Variants in WDPCP observed in about 807,000 individuals in gnomAD.
The protein encoded by WDPCP is WD repeat-containing and planar cell polarity effector protein fritz homolog.
WDPCP carries 71 observed loss-of-function variants against 93.1 expected under a neutral mutation model. The observed-to-expected ratio is 0.76, with a 90% CI of 0.63 to 0.93. The LOEUF is 0.93. Among genes scored for constraint, WDPCP ranks in the 40% least tolerant of loss-of-function variants. The pLI, the probability that WDPCP is intolerant of heterozygous loss-of-function variation, is 0.00. For missense variants in WDPCP, 844 were observed against 887.4 expected (o/e 0.95, Z 0.62); for synonymous variants, 315 against 315.0 (o/e 1.00, Z 0.00).
At chr2:63,412,735 C>G (rs183055221) in intron 9 of WDPCP, among the ~76,000 whole-genome samples, 1 of 151,376 alleles carries the variant, frequency 6.6e-6, no homozygotes, top group Non-Finnish European at 1.5e-5. Flanking sequence ...CAACAGCATC[C>G]AAGCAGAGAA....
chr2:63,766,748 G>A (rs539644619), intron 2 of WDPCP, among the ~76,000 whole-genome samples: 55 of 152,124 alleles, frequency 3.6e-4, no homozygotes, highest in African/African-American at 1.2e-3. Flanking sequence ...AAAATACACA[G>A]ACATAAAATT....
chr2:63,302,304 C>T (rs1339612645), intron 13 of WDPCP, among the ~76,000 whole-genome samples: 1 of 152,122 alleles, frequency 6.6e-6, no homozygotes, highest in East Asian at 1.9e-4. Flanking sequence ...AGCAATATGT[C>T]TCCTATAGTG....
chr2:63,381,908 T>C lies in WDPCP; in HGVS notation c.1622A>G (p.Glu541Gly). Residue 541 changes from glutamate to glycine, a missense_variant and splice_region_variant, in exon 11 of 18, where the codon GAA becomes GGA. Transcript: ENST00000272321. ...LLRQKLTPEREAQLETSLGTF... is the reference protein window; with the variant it reads ...LLRQKLTPERGAQLETSLGTF... The stretch of plus-strand genomic sequence containing the variant: ...ATGAAAAATATTTCAAGTCTGACCT[T>C]CTCTCTCTGGAGTGAGCTTCTGTCT... 1.2e-6 allele frequency: 2 copies of C among 1,613,132 alleles called. No individual in the cohort carries two copies. The highest frequency in any genetic ancestry group is 1.1e-5 in the South Asian group (1 of 91,062).
chr2:63,209,205 C>T (rs1317264453), intron 14 of WDPCP, among the ~76,000 whole-genome samples: 1 of 152,228 alleles, frequency 6.6e-6, no homozygotes, highest in African/African-American at 2.4e-5. Flanking sequence ...TGTAGAATTG[C>T]ATAACACTTT....
intron 3 of WDPCP, among the ~76,000 whole-genome samples, chr2:63,626,564 C>T (rs563798712): frequency 1.3e-5 from 2 of 152,236 alleles, no homozygotes; most frequent in African/African-American, 2.4e-5. Context: ...AGCCAATAAA[C>T]ATATTTTAAA....
chr2:63,651,678 C>A (rs1199732336), intron 2 of WDPCP, among the ~76,000 whole-genome samples: 2 of 152,096 alleles, frequency 1.3e-5, no homozygotes, highest in African/African-American at 2.4e-5. Flanking sequence ...GGTCTACCGG[C>A]CTTACTGAGG....
At chr2:63,238,845 T>G (rs549608841) in intron 14 of WDPCP, among the ~76,000 whole-genome samples, 1 of 152,182 alleles carries the variant, frequency 6.6e-6, no homozygotes, top group African/African-American at 2.4e-5. Context: ...ACTTCAGTTA[T>G]GCACTATTAA....
At chr2:63,460,408 T>C (rs1402966125) in intron 6 of WDPCP, among the ~76,000 whole-genome samples, 1 of 152,184 alleles carries the variant, frequency 6.6e-6, no homozygotes, top group South Asian at 2.1e-4. Flanking sequence ...TAATGTTTGA[T>C]AGCAGAATAG....
At chr2:63,574,331 G>C (rs751916064) in intron 1 of WDPCP, among the ~76,000 whole-genome samples, 1 of 152,044 alleles carries the variant, frequency 6.6e-6, no homozygotes, top group Non-Finnish European at 1.5e-5. Context: ...CAGACTGGCC[G>C]ACACTTAGGG....
intron 1 of WDPCP, among the ~76,000 whole-genome samples, chr2:63,542,094 A>G (rs1314759662): frequency 2.0e-5 from 3 of 152,166 alleles, no homozygotes; most frequent in Admixed American, 6.6e-5. Context: ...CTGCATAGCA[A>G]TATCTTGGAC....
At chr2:63,351,992 T>C (rs941326337) in intron 12 of WDPCP, among the ~76,000 whole-genome samples, 3 of 152,238 alleles carry the variant, frequency 2.0e-5, no homozygotes, top group Admixed American at 6.5e-5. Flanking sequence ...TATCTTACTA[T>C]AGTTCTGATT....
chr2:63,636,588 A>G (rs1709922596), intron 3 of WDPCP, among the ~76,000 whole-genome samples: 1 of 152,134 alleles, frequency 6.6e-6, no homozygotes, highest in Admixed American at 6.5e-5. Flanking sequence ...GGTACATACC[A>G]CATGCCTGGC....
intron 13 of WDPCP, among the ~76,000 whole-genome samples, chr2:63,302,160 G>A (rs1685382006): frequency 6.6e-6 from 1 of 152,142 alleles, no homozygotes. Context: ...ACTCTGATAG[G>A]TATATAGAAG....
intron 2 of WDPCP, among the ~76,000 whole-genome samples, chr2:63,701,306 A>T (rs1402132446): frequency 6.6e-6 from 1 of 152,198 alleles, no homozygotes; most frequent in Admixed American, 6.5e-5. Flanking sequence ...TCACAAAGAG[A>T]TCTCTCACCC....
chr2:63,454,117 T>A (rs1051374196), intron 6 of WDPCP, among the ~76,000 whole-genome samples: 1 of 141,030 alleles, frequency 7.1e-6, no homozygotes, highest in Non-Finnish European at 1.5e-5. Flanking sequence ...AAAATATATA[T>A]ATATTAAAAA....
At chr2:63,521,004 A>G (rs1271100854) in intron 1 of WDPCP, among the ~76,000 whole-genome samples, 1 of 152,166 alleles carries the variant, frequency 6.6e-6, no homozygotes, top group East Asian at 1.9e-4. Context: ...AGCAAACTCT[A>G]AGGGAATTTG....
chr2:63,483,617 C>T (rs969950391), intron 6 of WDPCP, among the ~76,000 whole-genome samples: 4 of 151,794 alleles, frequency 2.6e-5, no homozygotes, highest in South Asian at 2.1e-4. Context: ...ACAAATTTGA[C>T]GTTGTAGCTT....
At chr2:63,775,643 T>C (rs374733415) in intron 2 of WDPCP, among the ~76,000 whole-genome samples, 1 of 152,198 alleles carries the variant, frequency 6.6e-6, no homozygotes, top group African/African-American at 2.4e-5. Context: ...TACTTTCAAA[T>C]TATGCTATCC....
chr2:63,270,038 G>C (rs561275771), intron 13 of WDPCP, among the ~76,000 whole-genome samples: 2 of 152,154 alleles, frequency 1.3e-5, no homozygotes, highest in East Asian at 3.8e-4. Context: ...ACCATATTTT[G>C]TAGCTTTGAG....
Sources: gnomAD v4.1 joint callset for allele counts (sites outside exome capture counted in the v4.1 genomes callset) on GRCh38, gnomAD v4.1.1 for gene constraint, MANE v1.5 for transcripts, NCBI Gene and HGNC (gene_info 2026-07-23, HGNC 2026-07-21) for gene names.